Variants in IGF1R observed in about 807,000 individuals in gnomAD.
IGF1R encodes the protein insulin-like growth factor 1 receptor.
In IGF1R, 44 loss-of-function variants were observed where a neutral mutation model predicts 144.6. The observed-to-expected ratio is 0.30, with a 90% CI of 0.24 to 0.39. The LOEUF is 0.39. Ranked by LOEUF, IGF1R falls within the 10% of genes least tolerant of loss-of-function variation. The pLI is 1.00. For synonymous variants in IGF1R, 795 were observed against 722.8 expected (o/e 1.10, Z -1.60); for missense variants, 1,355 against 1,833.7 (o/e 0.74, Z 4.77).
intron 2 of IGF1R, among the ~76,000 whole-genome samples, chr15:98,870,351 T>A (rs2012718847): frequency 6.6e-6 from 1 of 152,206 alleles, no homozygotes; most frequent in South Asian, 2.1e-4. Flanking sequence ...GGAAGGATGT[T>A]ATCATAAAAT....
Position 98,749,106 on chromosome 15 carries a change from C to T in IGF1R, c.640+40999C>T, listed in dbSNP as rs2141329776. On this transcript the variant is annotated intron_variant, in intron 2 of 20. Transcript: ENST00000650285. The stretch of plus-strand genomic sequence containing the variant: ...GGAGGACACTATTGCCTATTTCTTT[C>T]CTTGTTTAAAAAATTTCATTTAGGT... Among the ~76,000 whole-genome samples the T allele has an allele frequency of 2.0e-5, 3 of 151,184 alleles. No individual in the cohort carries two copies. The Middle Eastern group carries it at 0.01, about 521-fold the overall frequency.
At chr15:98,864,889 G>T (rs1175151739) in intron 2 of IGF1R, among the ~76,000 whole-genome samples, 1 of 152,158 alleles carries the variant, frequency 6.6e-6, no homozygotes, top group African/African-American at 2.4e-5. Flanking sequence ...ATCCCAGTTT[G>T]TAATTTTATT....
At chr15:98,853,378 G>T (rs2011622462) in intron 2 of IGF1R, among the ~76,000 whole-genome samples, 1 of 152,296 alleles carries the variant, frequency 6.6e-6, no homozygotes, top group Non-Finnish European at 1.5e-5. Flanking sequence ...ATGCGGAGCG[G>T]AGTTTGCGTG....
chr15:98,742,837 G>A (rs2054777759), intron 2 of IGF1R, among the ~76,000 whole-genome samples: 1 of 152,136 alleles, frequency 6.6e-6, no homozygotes, highest in Non-Finnish European at 1.5e-5. Context: ...CCTGAGGTCA[G>A]AAGTTTGACA....
intron 20 of IGF1R, among the ~76,000 whole-genome samples, chr15:98,952,239 T>C (rs2016802599): frequency 6.6e-6 from 1 of 150,898 alleles, no homozygotes; most frequent in South Asian, 2.1e-4. Context: ...GGATGTGAGC[T>C]CCAGGACACA....
At chr15:98,747,174 C>G (rs1315162983) in intron 2 of IGF1R, among the ~76,000 whole-genome samples, 2 of 148,166 alleles carry the variant, frequency 1.3e-5, no homozygotes, top group South Asian at 2.2e-4. Flanking sequence ...TACACTTACA[C>G]TATTCAATTT....
Position 98,896,864 on chromosome 15 carries a change from C to T in IGF1R, c.1061C>T (p.Thr354Ile), listed in dbSNP as rs2151652619. The T allele has an allele frequency of 6.2e-7, 1 of 1,614,004 alleles. No individual in the cohort carries two copies. Among genetic ancestry groups the T allele is most frequent in the Non-Finnish European group, 8.5e-7 (1 of 1,179,934 alleles). Reference sequence around the variant, plus strand: ...TCTGCTCAGATGCTCCAAGGATGCACCATCTTCAAGGGCAATTTGCTCATT... The same window carrying T: ...TCTGCTCAGATGCTCCAAGGATGCATCATCTTCAAGGGCAATTTGCTCATT... ...VTSAQMLQGC[T>I]IFKGNLLINI... The change falls in exon 4 of 21, where the codon ACC becomes ATC. Residue 354 changes from threonine to isoleucine, a missense_variant. Coordinates refer to ENST00000650285, the MANE Select transcript of IGF1R (RefSeq NM_000875.5).
At chr15:98,828,455 GTGGATCTGACTCCTT>G (rs1414477274) in intron 2 of IGF1R, among the ~76,000 whole-genome samples, 1 of 152,184 alleles carries the variant, frequency 6.6e-6, no homozygotes, top group East Asian at 1.9e-4. Context: ...CGACTCATTT[GTGGATCTGACTCCTT>G]GTACTTCTGT....
intron 2 of IGF1R, among the ~76,000 whole-genome samples, chr15:98,823,640 A>G (rs1346507215): frequency 6.6e-6 from 1 of 152,242 alleles, no homozygotes; most frequent in Non-Finnish European, 1.5e-5. Flanking sequence ...TGAGCTGCAC[A>G]GGGCTGGTCT....
chr15:98,649,532 T>C lies in IGF1R; in HGVS notation c.-50T>C, dbSNP rs746555923. On this transcript the variant is annotated 5_prime_UTR_variant, in exon 1 of 21. Transcript: ENST00000650285. ...CTTTTTTTCTTTTCTTTTCTTTTTT[T>C]TTTTTTTTTTTTTTTTTGAGAAAGG... The C allele has an allele frequency of 7.1e-4, 121 of 170,676 alleles. 1 individual carries two copies. The highest frequency in any genetic ancestry group is 6.9e-3 in the African/African-American group (82 of 11,926). The allele number at this position is 170,676 out of a possible 1,614,324, so 10.6% of individuals were successfully genotyped here. A position where few individuals can be genotyped will look rare whatever the true frequency, so the allele number is the denominator to read the frequency against.
intron 2 of IGF1R, among the ~76,000 whole-genome samples, chr15:98,877,485 C>T (rs892844583): frequency 1.6e-5 from 2 of 121,702 alleles, no homozygotes; most frequent in African/African-American, 7.0e-5. Flanking sequence ...ATGGCACTAG[C>T]AGCCTTTTTT....
chr15:98,671,980 A>T (rs1235405679), intron 1 of IGF1R, among the ~76,000 whole-genome samples: 1 of 152,236 alleles, frequency 6.6e-6, no homozygotes, highest in East Asian at 1.9e-4. Context: ...AGAAATGCAG[A>T]GGCTCAAATT....
chr15:98,698,598 T>C (rs2053652801), intron 1 of IGF1R, among the ~76,000 whole-genome samples: 1 of 152,200 alleles, frequency 6.6e-6, no homozygotes, highest in South Asian at 2.1e-4. Flanking sequence ...TCAAGCTCCA[T>C]CCAGGTTGTT....
In IGF1R at chr15:98,935,265, C is replaced by G. The variant is rs2016098102; in HGVS notation, c.3187-51C>G. The G allele has an allele frequency of 8.7e-7, 1 of 1,148,046 alleles. No individual in the cohort carries two copies. The highest frequency in any genetic ancestry group is 1.2e-6 in the Non-Finnish European group (1 of 847,888). 71.1% of individuals were successfully genotyped at this position (1,148,046 alleles called of 1,614,324 possible). A position where few individuals can be genotyped will look rare whatever the true frequency, so the allele number is the denominator to read the frequency against. On this transcript the variant is annotated intron_variant, in intron 16 of 20. Coordinates refer to ENST00000650285, the MANE Select transcript of IGF1R (RefSeq NM_000875.5). The surrounding 1 kb of genome is among the most constrained non-coding windows in gnomAD (Gnocchi z 4.2). Reference sequence around the variant, plus strand: ...AGACAGTTCCAGACAACACAGGCATCAGCAAGGGCCACCTGACCCTCTGAG... The same window carrying G: ...AGACAGTTCCAGACAACACAGGCATGAGCAAGGGCCACCTGACCCTCTGAG...
chr15:98,915,610 G>T (rs1370895729), intron 8 of IGF1R, among the ~76,000 whole-genome samples: 1 of 152,218 alleles, frequency 6.6e-6, no homozygotes, highest in Non-Finnish European at 1.5e-5. Flanking sequence ...GTGCAGCACT[G>T]TGGAGAATGG....
At position 98,704,085 on chromosome 15, in the gene IGF1R, C is replaced by T. The variant is rs1487013081; in HGVS notation, c.95-3477C>T. Among the ~76,000 whole-genome samples the T allele has an allele frequency of 6.6e-6, 1 of 152,190 alleles. No homozygotes were observed. Among genetic ancestry groups the T allele is most frequent in the Non-Finnish European group, 1.5e-5 (1 of 68,048 alleles). On this transcript the variant is annotated intron_variant, in intron 1 of 20. Coordinates refer to ENST00000650285, the MANE Select transcript of IGF1R (RefSeq NM_000875.5). This position sits in a 1 kb window ranked among gnomAD's most constrained non-coding sequence, Gnocchi z 4.9. The stretch of plus-strand genomic sequence containing the variant: ...CAGGGGAAAAAAGACCCTCCCGGCC[C>T]CCTTCAGCTGTGATGTGTCTTTTCC...
Position 98,760,834 on chromosome 15 carries a change from C to T in IGF1R, c.640+52727C>T, listed in dbSNP as rs1163765760. 3.3e-5 allele frequency among the ~76,000 whole-genome samples: 5 copies of T among 152,350 alleles called. No individual in the cohort carries two copies. The East Asian group carries it at 9.6e-4, about 29-fold the overall frequency. On this transcript the variant is annotated intron_variant, in intron 2 of 20. Transcript: ENST00000650285. ...AGGCTTATGTTTTCTGATTACCCAT[C>T]CTTCGATACAGACCAAATAATACCA...
chr15:98,941,173 G>A (rs764280080), intron 18 of IGF1R, among the ~76,000 whole-genome samples: 9 of 152,170 alleles, frequency 5.9e-5, no homozygotes, highest in African/African-American at 9.7e-5. Context: ...TCCTCACCTC[G>A]GAAATAGGGT....
chr15:98,815,811 G>T (rs933603234), intron 2 of IGF1R, among the ~76,000 whole-genome samples: 1 of 152,188 alleles, frequency 6.6e-6, no homozygotes, highest in African/African-American at 2.4e-5. Flanking sequence ...ATGTGGGGCA[G>T]CCTGTTCTGT....
Sources: gnomAD v4.1 joint callset for allele counts (sites outside exome capture counted in the v4.1 genomes callset) on GRCh38, gnomAD v4.1.1 for gene constraint, Gnocchi (gnomAD v3.1) non-coding constraint, MANE v1.5 for transcripts, NCBI Gene and HGNC (gene_info 2026-07-23, HGNC 2026-07-21) for gene names.